The following CDC16 variants were observed in gnomAD, a reference collection of about 807,000 sequenced individuals.
CDC16 encodes cell division cycle protein 16 homolog.
Under a neutral mutation model 87.0 loss-of-function variants are expected in CDC16, and 34 were observed. The ratio of observed to expected loss-of-function variants is 0.39; its 90% CI spans 0.30 to 0.52. The LOEUF is 0.52. Among genes scored for constraint, CDC16 ranks in the 20% least tolerant of loss-of-function variants. The pLI is 0.74. For synonymous variants in CDC16, 263 were observed against 260.6 expected, an observed-to-expected ratio of 1.01 and a Z score of -0.09; for missense variants, 653 against 751.9, an observed-to-expected ratio of 0.87 and a Z score of 1.54.
chr13:114,240,096 G>A (rs1312452900), intron 5 of CDC16, among the ~76,000 whole-genome samples: 1 of 151,950 alleles, frequency 6.6e-6, no homozygotes. Flanking sequence ...ATTCCTTTTA[G>A]TGTATTCACA....
chr13:114,271,735 C>G (rs1324523455), intron 17 of CDC16, among the ~76,000 whole-genome samples: 1 of 152,106 alleles, frequency 6.6e-6, no homozygotes, highest in East Asian at 1.9e-4. Context: ...CCCGCCTCGG[C>G]CTCCCAAAGT....
At chr13:114,254,498 C>T (rs925630041) in intron 12 of CDC16, among the ~76,000 whole-genome samples, 2 of 152,108 alleles carry the variant, frequency 1.3e-5, no homozygotes, top group East Asian at 1.9e-4. Context: ...AACCTTACTC[C>T]GATATAGCTG....
In CDC16 at chr13:114,250,683, G is replaced by A. The variant is rs747706816; in HGVS notation, c.1097+9G>A. On this transcript the variant is annotated intron_variant, in intron 12 of 17. Coordinates refer to ENST00000356221, the MANE Select transcript of CDC16 (RefSeq NM_001078645.3). ...GCACAGCTGATGAAAGGGTACGGCAGAGCAAACTCATCAAACTCCATGAAG... is the reference window on the plus strand; with the variant it reads ...GCACAGCTGATGAAAGGGTACGGCAAAGCAAACTCATCAAACTCCATGAAG... The A allele has an allele frequency of 8.1e-6, 13 of 1,613,390 alleles. No homozygotes were observed. In the South Asian group the frequency reaches 1.3e-4, roughly 16 times the overall value.
chr13:114,244,930 G>C lies in CDC16; in HGVS notation c.808G>C (p.Val270Leu). The change falls in exon 9 of 18, where the codon GTA becomes CTA. Residue 270 changes from valine to leucine, a missense_variant. Transcript: ENST00000356221. ...KDPFHASCLP[V>L]HIGTLVELNK... ...TCCTTTCCATGCAAGTTGTTTACCT[G>C]TACATATAGGGACGCTTGTAGAGCT... 1 of 1,610,902 alleles carries C rather than the reference G, an allele frequency of 6.2e-7. No homozygotes were observed.
intron 12 of CDC16, among the ~76,000 whole-genome samples, chr13:114,256,754 G>A (rs555417567): frequency 5.9e-5 from 9 of 152,198 alleles, no homozygotes; most frequent in East Asian, 1.9e-4. Flanking sequence ...GACCAGTGTC[G>A]GCTGGGGCAT....
At chr13:114,261,739 A>G in intron 14 of CDC16, 148 bp from the exon 15 acceptor site, 2 of 530,668 alleles carry the variant, frequency 3.8e-6, no homozygotes, top group Non-Finnish European at 6.8e-6. Context: ...GGAGATAGAT[A>G]AAACAGCAGT....
At position 114,243,880 on chromosome 13, in the gene CDC16, A is replaced by G. The variant is rs2138914453; in HGVS notation, c.658A>G (p.Ile220Val). 1 of 1,610,326 alleles carries G rather than the reference A, an allele frequency of 6.2e-7. No homozygotes were observed. The highest frequency in any genetic ancestry group is 8.5e-7 in the Non-Finnish European group (1 of 1,177,008). The change falls in exon 8 of 18, where the codon ATC becomes GTC. Residue 220 changes from isoleucine to valine, a missense_variant. Transcript: ENST00000356221. Reference protein sequence around the residue: ...KKYNKPSETVIPESVDGLQEN... With the variant: ...KKYNKPSETVVPESVDGLQEN... Reference sequence around the variant, plus strand: ...GTATAATAAGCCTAGTGAAACGGTCATCCCTGAATCTGTAGATGGCTTGCA... The same window carrying G: ...GTATAATAAGCCTAGTGAAACGGTCGTCCCTGAATCTGTAGATGGCTTGCA...
chr13:114,265,407 T>C (rs1329080818), intron 17 of CDC16, among the ~76,000 whole-genome samples, 167 bp downstream of exon 17: 1 of 152,198 alleles, frequency 6.6e-6, no homozygotes, highest in African/African-American at 2.4e-5. Context: ...AACAATGCTG[T>C]GGGGGAGTTA....
intron 8 of CDC16, 52 bp from the exon 9 acceptor site, chr13:114,244,838 A>G (rs2138925350): frequency 1.8e-6 from 2 of 1,105,398 alleles, no homozygotes; most frequent in Non-Finnish European, 2.8e-6. Flanking sequence ...GATCGTCGTG[A>G]GTGCTGTCAC....
intron 2 of CDC16, 47 bp downstream of exon 2, chr13:114,236,746 G>A (rs2081270668): frequency 1.9e-6 from 3 of 1,612,758 alleles, no homozygotes; most frequent in Non-Finnish European, 2.5e-6. Context: ...CTTAAAATTC[G>A]TTTTCTATTT....
At chr13:114,252,442 T>C (rs555288048) in intron 12 of CDC16, among the ~76,000 whole-genome samples, 1 of 152,310 alleles carries the variant, frequency 6.6e-6, no homozygotes, top group African/African-American at 2.4e-5. Flanking sequence ...AAACAGTCCA[T>C]AGCACTAATA....
At chr13:114,236,950 T>A in intron 3 of CDC16, 54 bp downstream of exon 3, 1 of 1,229,616 alleles carries the variant, frequency 8.1e-7, no homozygotes, top group Non-Finnish European at 1.1e-6. Flanking sequence ...AAAATGTCAT[T>A]AGTGGCCGGG....
At chr13:114,235,247 C>A in intron 1 of CDC16, 115 bp downstream of exon 1, 1 of 681,806 alleles carries the variant, frequency 1.5e-6, no homozygotes, top group South Asian at 7.6e-5. Context: ...CTGGGCCGGC[C>A]CTGGGCCTTC....
chr13:114,253,283 C>T (rs993779289), intron 12 of CDC16, among the ~76,000 whole-genome samples: 1 of 152,184 alleles, frequency 6.6e-6, no homozygotes, highest in African/African-American at 2.4e-5. Context: ...AATATGTTGA[C>T]ATTTAACTTC....
In CDC16 at chr13:114,243,875, C is replaced by T. The variant is rs775382065; in HGVS notation, c.653C>T (p.Thr218Met). ...KLKKYNKPSE[T>M]VIPESVDGLQ... ...TTTCAGTATAATAAGCCTAGTGAAACGGTCATCCCTGAATCTGTAGATGGC... is the reference window on the plus strand; with the variant it reads ...TTTCAGTATAATAAGCCTAGTGAAATGGTCATCCCTGAATCTGTAGATGGC... The change falls in exon 8 of 18, where the codon ACG (threonine) becomes ATG (methionine). Residue 218 changes from threonine to methionine, a missense_variant. Transcript: ENST00000356221. 1.7e-5 allele frequency: 27 copies of T among 1,608,920 alleles called. No individual in the cohort carries two copies. Among genetic ancestry groups the T allele is most frequent in the Non-Finnish European group, 2.1e-5 (25 of 1,176,218 alleles).
At chr13:114,245,464 C>G (rs2081816257) in intron 9 of CDC16, among the ~76,000 whole-genome samples, 1 of 152,128 alleles carries the variant, frequency 6.6e-6, no homozygotes, top group Non-Finnish European at 1.5e-5. Context: ...AAGGAAAACC[C>G]TCACCGAATC....
intron 8 of CDC16, 136 bp downstream of exon 8, chr13:114,244,125 A>G (rs2138917547): frequency 1.7e-6 from 1 of 604,578 alleles, no homozygotes; most frequent in South Asian, 2.6e-5. Flanking sequence ...TAGAGCACTG[A>G]ACAGGGTGCT....
chr13:114,248,093 T>C (rs552596234), intron 11 of CDC16, among the ~76,000 whole-genome samples: 1 of 152,218 alleles, frequency 6.6e-6, no homozygotes, highest in African/African-American at 2.4e-5. Flanking sequence ...GGTGAACTGA[T>C]TCATGTAATG....
intron 17 of CDC16, among the ~76,000 whole-genome samples, chr13:114,267,566 T>G (rs1436195359): frequency 4.6e-5 from 7 of 152,206 alleles, no homozygotes; most frequent in Non-Finnish European, 1.5e-5. Context: ...TTTACATGCT[T>G]AAAACCTTAA....
Sources: allele counts gnomAD v4.1 joint callset (sites outside exome capture counted in the v4.1 genomes callset), GRCh38; gene constraint gnomAD v4.1.1; transcripts MANE v1.5; gene names NCBI Gene and HGNC (gene_info 2026-07-23, HGNC 2026-07-21).